SGCZ: variants seen among roughly 807,000 people sequenced by gnomAD.
SGCZ encodes zeta-sarcoglycan.
In SGCZ, 40 loss-of-function variants were observed where a neutral mutation model predicts 41.3. That is an observed-to-expected ratio of 0.97 (90% CI 0.75 to 1.26). The LOEUF (loss-of-function observed/expected upper bound fraction) is 1.26, where lower values mean the gene tolerates loss of function less well. Ranked by LOEUF, SGCZ falls within the 50% of genes most tolerant of loss-of-function variation. SGCZ has a pLI of 0.00. For missense variants in SGCZ, 552 were observed against 369.8 expected, an observed-to-expected ratio of 1.49 and a Z score of -4.04; for synonymous variants, 206 against 137.5, an observed-to-expected ratio of 1.50 and a Z score of -3.49.
intron 1 of SGCZ, among the ~76,000 whole-genome samples, chr8:15,000,243 G>C (rs1802368342): frequency 6.6e-6 from 1 of 152,078 alleles, no homozygotes; most frequent in African/African-American, 2.4e-5. Flanking sequence ...CCAGCCTTTA[G>C]AACTCTGAGG....
At chr8:14,433,441 C>T (rs1361032995) in intron 2 of SGCZ, among the ~76,000 whole-genome samples, 2 of 152,096 alleles carry the variant, frequency 1.3e-5, no homozygotes, top group African/African-American at 4.8e-5. Flanking sequence ...AGGTTATATG[C>T]AATGCATATT....
chr8:14,988,136 T>G (rs1489594951), intron 1 of SGCZ, among the ~76,000 whole-genome samples: 1 of 151,996 alleles, frequency 6.6e-6, no homozygotes, highest in Non-Finnish European at 1.5e-5. Flanking sequence ...GGAGGATATT[T>G]AGGGGATACA....
chr8:14,830,423 G>T (rs1349233216), intron 1 of SGCZ, among the ~76,000 whole-genome samples: 1 of 152,106 alleles, frequency 6.6e-6, no homozygotes, highest in Non-Finnish European at 1.5e-5. Context: ...AATTATTACA[G>T]TTTAAAGAGT....
intron 2 of SGCZ, among the ~76,000 whole-genome samples, chr8:14,429,277 G>A (rs188247701): frequency 1.3e-5 from 2 of 152,190 alleles, no homozygotes; most frequent in African/African-American, 4.8e-5. Flanking sequence ...TGTGAGGCTG[G>A]GGTTTGAGGA....
At chr8:15,206,273 G>C (rs1457293872) in intron 1 of SGCZ, among the ~76,000 whole-genome samples, 1 of 152,106 alleles carries the variant, frequency 6.6e-6, no homozygotes, top group Non-Finnish European at 1.5e-5. Flanking sequence ...ATGTGAGAAT[G>C]AGATCCATAT....
At position 14,424,800 on chromosome 8, in the gene SGCZ, T is replaced by TC. The variant is rs34722831; in HGVS notation, c.235-100597dup. 2.6e-5 allele frequency among the ~76,000 whole-genome samples: 4 copies of TC among 152,322 alleles called. 1 individual carries two copies. The South Asian group carries it at 8.3e-4, about 32-fold the overall frequency. Reference sequence around the variant, plus strand: ...AGCTTTTCAAATGTTTGCTAACTCTTCCTTCATTTATCTTTCTACATTATG... The same window carrying TC: ...AGCTTTTCAAATGTTTGCTAACTCTTCCCTTCATTTATCTTTCTACATTATG... On this transcript the variant is annotated intron_variant, in intron 2 of 7. Transcript: ENST00000382080.
At chr8:14,846,152 C>A (rs1173058449) in intron 1 of SGCZ, among the ~76,000 whole-genome samples, 2 of 152,004 alleles carry the variant, frequency 1.3e-5, no homozygotes, top group Admixed American at 6.6e-5. Flanking sequence ...CAGTACATAA[C>A]AGACCAGAAA....
chr8:15,112,903 C>A (rs540410135), intron 1 of SGCZ, among the ~76,000 whole-genome samples: 69 of 152,140 alleles, frequency 4.5e-4, no homozygotes, highest in South Asian at 3.9e-3. Context: ...TGAAGTCATG[C>A]GTTGTGTGGG....
intron 1 of SGCZ, among the ~76,000 whole-genome samples, chr8:14,714,957 C>T (rs1410433870): frequency 6.6e-6 from 1 of 151,962 alleles, no homozygotes; most frequent in Non-Finnish European, 1.5e-5. Flanking sequence ...TGCAAATTTC[C>T]TTATTGATAT....
chr8:15,155,542 A>G (rs1472487349), intron 1 of SGCZ, among the ~76,000 whole-genome samples: 2 of 152,190 alleles, frequency 1.3e-5, no homozygotes, highest in African/African-American at 4.8e-5. Flanking sequence ...GAGTAGAGCA[A>G]TGTATACGAA....
rs540695432 is a variant in SGCZ at position 15,172,914 on chromosome 8, T to C, written c.39+64671A>G. On this transcript the variant is annotated intron_variant, in intron 1 of 7. Transcript: ENST00000382080. ...TACAAAGAGGAAAATAAAAACTTAA[T>C]ATGGAAAACGTATTAATACTAGTTA... Among the ~76,000 whole-genome samples, 150 of 152,326 alleles carry C rather than the reference T, an allele frequency of 9.8e-4. 1 individual carries two copies. Among genetic ancestry groups the C allele is most frequent in the African/African-American group, 3.3e-3 (137 of 41,594 alleles).
intron 1 of SGCZ, among the ~76,000 whole-genome samples, chr8:14,996,211 G>A (rs1802212613): frequency 6.6e-6 from 1 of 151,954 alleles, no homozygotes; most frequent in Non-Finnish European, 1.5e-5. Flanking sequence ...CCACTTATTT[G>A]CTTTTATGTC....
intron 1 of SGCZ, among the ~76,000 whole-genome samples, chr8:14,623,608 G>C (rs759925056): frequency 2.0e-5 from 3 of 152,150 alleles, no homozygotes; most frequent in Non-Finnish European, 4.4e-5. Context: ...ATCTTAGCTA[G>C]AGGTTACATT....
chr8:14,478,656 GTAAC>G (rs149912703), intron 2 of SGCZ, among the ~76,000 whole-genome samples: 5,987 of 152,248 alleles, frequency 0.039, 188 homozygotes, highest in East Asian at 0.081. Context: ...TTAAAATAGA[GTAAC>G]TAAGAGGGAA....
chr8:14,677,331 T>C (rs942348460), intron 1 of SGCZ, among the ~76,000 whole-genome samples: 3 of 152,144 alleles, frequency 2.0e-5, no homozygotes, highest in African/African-American at 7.2e-5. Context: ...AAATATTTCA[T>C]GTTCATGGAT....
intron 1 of SGCZ, among the ~76,000 whole-genome samples, chr8:15,135,118 C>T (rs1808058414): frequency 6.6e-6 from 1 of 152,092 alleles, no homozygotes; most frequent in South Asian, 2.1e-4. Context: ...TTATATGCAA[C>T]TTTATTTCTT....
chr8:14,969,349 T>C (rs1481162027), intron 1 of SGCZ, among the ~76,000 whole-genome samples: 1 of 152,130 alleles, frequency 6.6e-6, no homozygotes, highest in Non-Finnish European at 1.5e-5. Context: ...CTTTCATCAT[T>C]ATTCTTTAAT....
chr8:14,239,123 G>C (rs1414463337), intron 3 of SGCZ, among the ~76,000 whole-genome samples: 2 of 151,854 alleles, frequency 1.3e-5, no homozygotes, highest in Non-Finnish European at 2.9e-5. Flanking sequence ...CTAATCAAGT[G>C]ATATATCCAA....
intron 2 of SGCZ, among the ~76,000 whole-genome samples, chr8:14,426,363 C>T (rs1037877959): frequency 2.6e-5 from 4 of 151,886 alleles, no homozygotes; most frequent in Admixed American, 6.6e-5. Context: ...GAGAGTATTT[C>T]CCCTCCCCCA....
Sources: gnomAD v4.1 joint callset for allele counts (sites outside exome capture counted in the v4.1 genomes callset) on GRCh38, gnomAD v4.1.1 for gene constraint, MANE v1.5 for transcripts, NCBI Gene and HGNC (gene_info 2026-07-23, HGNC 2026-07-21) for gene names.